Variants in ZBTB33 observed in about 807,000 individuals in gnomAD.
ZBTB33 encodes transcriptional regulator Kaiso.
A neutral mutation model predicts 25.9 loss-of-function variants in ZBTB33; 11 were observed. The ratio of observed to expected loss-of-function variants is 0.42; its 90% CI spans 0.27 to 0.70. The LOEUF (loss-of-function observed/expected upper bound fraction) is 0.70, where lower values mean the gene tolerates loss of function less well. Ranked by LOEUF, ZBTB33 falls within the 30% of genes least tolerant of loss-of-function variation. The pLI, the probability that ZBTB33 is intolerant of heterozygous loss-of-function variation, is 0.23. For synonymous variants in ZBTB33, 157 were observed against 184.8 expected (o/e 0.85, Z 1.22); for missense variants, 343 against 501.1 (o/e 0.68, Z 3.01).
Position 120,255,249 on chromosome X carries a change from G to T in ZBTB33, c.1834G>T (p.Asp612Tyr), listed in dbSNP as rs961644722. 2.5e-6 allele frequency: 3 copies of T among 1,211,908 alleles called. No individual in the cohort carries two copies. The highest frequency in any genetic ancestry group is 3.4e-6 in the Non-Finnish European group (3 of 895,519). ...ATCAAGCACTATTCCTGCAATGAAGGATGATGGTATTGGGTATAAGGTTGA... is the reference window on the plus strand; with the variant it reads ...ATCAAGCACTATTCCTGCAATGAAGTATGATGGTATTGGGTATAAGGTTGA... ...DRSSTIPAMK[D>Y]DGIGYKVDTG... Residue 612 changes from aspartate (D) to tyrosine (Y), a missense_variant, in exon 3 of 3, where the codon GAT becomes TAT. By Grantham distance (160) the Asp-to-Tyr change is radical. Around this residue, in one of 2 missense-constraint regions of ZBTB33, gnomAD observed 304 missense variants for 410.0 expected, o/e 0.74. Coordinates refer to ENST00000557385, the MANE Select transcript of ZBTB33 (RefSeq NM_001184742.2).
At chrX:120,252,179 C>A (rs1178389071) in intron 1 of ZBTB33, among the ~76,000 whole-genome samples, 1 of 111,620 alleles carries the variant, frequency 9.0e-6, no homozygotes, top group Non-Finnish European at 1.9e-5. Context: ...TGAGACAGAA[C>A]TGCCCTCCAC....
At chrX:120,252,101 C>T (rs1398743627) in intron 1 of ZBTB33, among the ~76,000 whole-genome samples, 4 of 111,719 alleles carry the variant, frequency 3.6e-5, no homozygotes, top group Middle Eastern at 4.6e-3. Flanking sequence ...TGTTTTAAAT[C>T]TTGATTTTTA....
In ZBTB33 at chrX:120,254,459, G is replaced by A. The variant is rs782129864; in HGVS notation, c.1044G>A (p.Ser348=). The change falls in exon 3 of 3, where the codon TCG becomes TCA. Residue 348 remains serine, a synonymous_variant. Transcript: ENST00000557385. ...ACACTATTAGCTCCAGTCCTGACTCGGCCGTCAGTAATACATCTTTGGTCC... is the reference window on the plus strand; with the variant it reads ...ACACTATTAGCTCCAGTCCTGACTCAGCCGTCAGTAATACATCTTTGGTCC... The part of the protein sequence containing the change: ...DDDTISSSPD[S]AVSNTSLVPQ... 9 of 1,209,468 alleles carry A rather than the reference G, an allele frequency of 7.4e-6. No homozygotes were observed. The highest frequency in any genetic ancestry group is 1.0e-5 in the Non-Finnish European group (9 of 895,155).
chrX:120,256,015 C>T lies in ZBTB33; in HGVS notation c.*581C>T, dbSNP rs2057635862. 8.1e-6 allele frequency: 1 copy of T among 123,535 alleles called. No individual in the cohort carries two copies. The highest frequency in any genetic ancestry group is 2.8e-4 in the East Asian group (1 of 3,618). The allele number at this position is 123,535 out of a possible 1,213,427, so 10.2% of individuals were successfully genotyped here. ...ATAGCCATGCAGACAAGTCTCTCATCTGAAGAACAAATTAGATTTAGCTAA... is the reference window on the plus strand; with the variant it reads ...ATAGCCATGCAGACAAGTCTCTCATTTGAAGAACAAATTAGATTTAGCTAA... On this transcript the variant is annotated 3_prime_UTR_variant, in exon 3 of 3. Transcript: ENST00000557385.
At position 120,255,019 on chromosome X, in the gene ZBTB33, A is replaced by T; in HGVS notation, c.1604A>T (p.Glu535Val). Residue 535 changes from glutamate to valine, a missense_variant, in exon 3 of 3, where the codon GAA becomes GTA. Coordinates refer to ENST00000557385, the MANE Select transcript of ZBTB33 (RefSeq NM_001184742.2). ...TGTGAGAAGGTATTTCCTCTTGCAG[A>T]ATATCGCACAAAGCATGAAATTCAT... ...RYCEKVFPLA[E>V]YRTKHEIHHT... 1 of 1,212,030 alleles carries T rather than the reference A, an allele frequency of 8.3e-7. No individual in the cohort carries two copies.
rs1374301625 is a variant in ZBTB33 at position 120,256,461 on chromosome X, G to A, written c.*1027G>A. On this transcript the variant is annotated 3_prime_UTR_variant, in exon 3 of 3. Coordinates refer to ENST00000557385, the MANE Select transcript of ZBTB33 (RefSeq NM_001184742.2). ...CACTAGGAAGTCTTTATTTGAAATA[G>A]TTGAATCAGTGATCTAGTATTTTCC... 8.2e-6 allele frequency: 1 copy of A among 122,225 alleles called. No homozygotes were observed. The highest frequency in any genetic ancestry group is 2.8e-4 in the East Asian group (1 of 3,603). The allele number at this position is 122,225 out of a possible 1,213,427, so 10.1% of individuals were successfully genotyped here. A position where few individuals can be genotyped will look rare whatever the true frequency, so the allele number is the denominator to read the frequency against.
rs782337560 is a variant in ZBTB33, at chrX:120,255,443, G to A, written c.*9G>A. The A allele has an allele frequency of 8.6e-7, 1 of 1,160,863 alleles. No homozygotes were observed. Among genetic ancestry groups the A allele is most frequent in the Admixed American group, 2.4e-5 (1 of 42,306 alleles). On this transcript the variant is annotated 3_prime_UTR_variant, in exon 3 of 3. Transcript: ENST00000557385. ...TACCAGAGTCTTACTAAACTCCTTT[G>A]AAATACTAGAAAGTTTTGTTTTGGA...
intron 2 of ZBTB33, among the ~76,000 whole-genome samples, chrX:120,252,985 C>G (rs2057609596): frequency 8.9e-6 from 1 of 112,072 alleles, no homozygotes; most frequent in South Asian, 3.7e-4. Context: ...ACATTTCAAT[C>G]ATTTACAGGC....
Position 120,253,861 on chromosome X carries a change from T to TA in ZBTB33, c.447dup (p.Gln150ThrfsTer6). Reference sequence around the variant, plus strand: ...GATTCTGGTGACAAGAACCTTGTAATACAGAAATCAAAAGATGAAGCCCAA... The same window carrying TA: ...GATTCTGGTGACAAGAACCTTGTAATAACAGAAATCAAAAGATGAAGCCCAA... On this transcript the variant is annotated frameshift_variant, in exon 3 of 3. Coordinates refer to ENST00000557385, the MANE Select transcript of ZBTB33 (RefSeq NM_001184742.2). LOFTEE classifies it high-confidence loss of function. 1 of 1,211,407 alleles carries TA rather than the reference T, an allele frequency of 8.3e-7. No individual in the cohort carries two copies. Among genetic ancestry groups the TA allele is most frequent in the Non-Finnish European group, 1.1e-6 (1 of 895,426 alleles).
Position 120,258,115 on chromosome X carries a change from C to T in ZBTB33, c.*2681C>T, listed in dbSNP as rs1486046460. ...CAACCACTATGAAGAAATAATGCCGCATTTTTCCCCCATTGTACCAAAAAG... is the reference window on the plus strand; with the variant it reads ...CAACCACTATGAAGAAATAATGCCGTATTTTTCCCCCATTGTACCAAAAAG... On this transcript the variant is annotated 3_prime_UTR_variant, in exon 3 of 3. Coordinates refer to ENST00000557385, the MANE Select transcript of ZBTB33 (RefSeq NM_001184742.2). The T allele has an allele frequency of 8.1e-6, 1 of 123,183 alleles. No individual in the cohort carries two copies. The highest frequency in any genetic ancestry group is 3.2e-5 in the African/African-American group (1 of 30,794). 10.2% of individuals were successfully genotyped at this position (123,183 alleles called of 1,213,427 possible). A position where few individuals can be genotyped will look rare whatever the true frequency, so the allele number is the denominator to read the frequency against.
At chrX:120,252,621 T>C (rs1237245416) in intron 1 of ZBTB33, 48 bp from the exon 2 acceptor site, 2 of 112,340 alleles carry the variant, frequency 1.8e-5, no homozygotes, top group African/African-American at 6.5e-5. Context: ...AGTGGGCATT[T>C]AGAAATGGTA....
intron 1 of ZBTB33, among the ~76,000 whole-genome samples, chrX:120,252,322 A>G (rs983096348): frequency 7.2e-5 from 8 of 110,662 alleles, no homozygotes; most frequent in Middle Eastern, 9.4e-3. Flanking sequence ...ATATATTAAA[A>G]TATATCCATA....
At chrX:120,251,637 C>T (rs1556014339) in intron 1 of ZBTB33, among the ~76,000 whole-genome samples, 2 of 111,892 alleles carry the variant, frequency 1.8e-5, no homozygotes, top group Non-Finnish European at 3.8e-5. Flanking sequence ...CGGTTTGTTT[C>T]ACTCCCTCGC....
rs782643793 is a variant in ZBTB33 at position 120,254,012 on chromosome X, C to G, written c.597C>G (p.Ser199=). The change falls in exon 3 of 3, where the codon TCC becomes TCG. Residue 199 remains serine, a synonymous_variant. Coordinates refer to ENST00000557385, the MANE Select transcript of ZBTB33 (RefSeq NM_001184742.2). ...DDDDDDVIFC[S]EILPTKETLP... The stretch of plus-strand genomic sequence containing the variant: ...ATGATGATGATGTCATTTTTTGCTC[C>G]GAGATTCTGCCCACAAAGGAGACTT... 5 of 1,207,966 alleles carry G rather than the reference C, an allele frequency of 4.1e-6. No individual in the cohort carries two copies. The highest frequency in any genetic ancestry group is 4.5e-6 in the Non-Finnish European group (4 of 893,442).
chrX:120,254,405 G>A lies in ZBTB33; in HGVS notation c.990G>A (p.Glu330=), dbSNP rs2057622604. The change falls in exon 3 of 3, where the codon GAG becomes GAA. Residue 330 remains glutamate (E), a synonymous_variant. Transcript: ENST00000557385. ...CAGGAAACAAGGCCAATGAAGAGGA[G>A]GAGGAGGAAATAATAGATGATGATG... ...ILTGNKANEE[E]EEEIIDDDDD... is the part of the protein sequence containing the mutation. 2 of 1,209,569 alleles carry A rather than the reference G, an allele frequency of 1.7e-6. No homozygotes were observed. Among genetic ancestry groups the A allele is most frequent in the East Asian group, 3.0e-5 (1 of 33,779 alleles).
chrX:120,251,613 A>G (rs997891300), intron 1 of ZBTB33, among the ~76,000 whole-genome samples: 2 of 111,824 alleles, frequency 1.8e-5, no homozygotes, highest in Admixed American at 1.9e-4. Flanking sequence ...CAGCTGCCGC[A>G]GGGAGCCGCG....
Position 120,253,798 on chromosome X carries a change from G to T in ZBTB33, c.383G>T (p.Gly128Val). 8.3e-7 allele frequency: 1 copy of T among 1,211,451 alleles called. No homozygotes were observed. Residue 128 changes from glycine to valine, a missense_variant, in exon 3 of 3, where the codon GGT becomes GTT. Around this residue, in one of 2 missense-constraint regions of ZBTB33, gnomAD observed 304 missense variants for 410.0 expected, o/e 0.74. Coordinates refer to ENST00000557385, the MANE Select transcript of ZBTB33 (RefSeq NM_001184742.2). ...TTGTCACAGGTTAAAAGCATCTCAG[G>T]TACAGCGCAGGATGGTAATACTGAG... ...VPLSQVKSIS[G>V]TAQDGNTEPL...
intron 1 of ZBTB33, among the ~76,000 whole-genome samples, 198 bp from the exon 2 acceptor site, chrX:120,252,468 ACAT>A (rs1286103584): frequency 8.9e-6 from 1 of 111,781 alleles, no homozygotes; most frequent in Non-Finnish European, 1.9e-5. Context: ...CATTCTACTG[ACAT>A]CATCCCCTTT....
At position 120,253,293 on chromosome X, in the gene ZBTB33, T is replaced by G. The variant is rs16980173; in HGVS notation, c.-2-121T>G. On this transcript the variant is annotated intron_variant, in intron 2 of 2. Coordinates refer to ENST00000557385, the MANE Select transcript of ZBTB33 (RefSeq NM_001184742.2). Reference sequence around the variant, plus strand: ...AATTTCTGTAAAAGCCAAAAAATTATGCTGAACTTTGGTTAAAACTTGAAT... The same window carrying G: ...AATTTCTGTAAAAGCCAAAAAATTAGGCTGAACTTTGGTTAAAACTTGAAT... 0.014 allele frequency: 10,569 copies of G among 737,088 alleles called. 695 individuals carry two copies. In the African/African-American group the frequency reaches 0.2, roughly 14 times the overall value. The allele number at this position is 737,088 out of a possible 1,213,427, so 60.7% of individuals were successfully genotyped here.
Sources: gnomAD v4.1 joint callset for allele counts (sites outside exome capture counted in the v4.1 genomes callset) on GRCh38, gnomAD v4.1.1 for gene constraint, gnomAD v4.1.1 regional missense constraint, MANE v1.5 for transcripts, NCBI Gene and HGNC (gene_info 2026-07-23, HGNC 2026-07-21) for gene names.